Variants in BICD1 observed in about 807,000 individuals in gnomAD.
The protein encoded by BICD1 is protein bicaudal D homolog 1.
A neutral mutation model predicts 92.5 loss-of-function variants in BICD1; 35 were observed. That is an observed-to-expected ratio of 0.38 (90% CI 0.29 to 0.50). BICD1 has a LOEUF of 0.50. Ranked by LOEUF, BICD1 falls within the 20% of genes least tolerant of loss-of-function variation. The probability of loss-of-function intolerance (pLI) is 0.93; values close to 1 mark genes in which losing one functional copy is unlikely to be tolerated. For synonymous variants in BICD1, 429 were observed against 465.1 expected, an observed-to-expected ratio of 0.92 and a Z score of 1.00; for missense variants, 950 against 1,189.8, an observed-to-expected ratio of 0.80 and a Z score of 2.97.
At chr12:32,323,084 A>C (rs1948697461) in intron 4 of BICD1, among the ~76,000 whole-genome samples, 1 of 152,256 alleles carries the variant, frequency 6.6e-6, no homozygotes. Flanking sequence ...AAAAATTCAA[A>C]TGACATGGCT....
chr12:32,173,627 T>G (rs1231632220), intron 1 of BICD1, among the ~76,000 whole-genome samples: 2 of 152,176 alleles, frequency 1.3e-5, no homozygotes, highest in South Asian at 4.1e-4. Context: ...TTGCTTCTTC[T>G]CAGTTCAGTA....
At chr12:32,227,110 G>C (rs79651979) in intron 2 of BICD1, among the ~76,000 whole-genome samples, 9,274 of 152,202 alleles carry the variant, frequency 0.061, 375 homozygotes, top group Middle Eastern at 0.12. Flanking sequence ...TCCATGTAAA[G>C]CTACTAGAGC....
At chr12:32,348,723 A>AAAAAATATATATATATAT (rs1938731695) in intron 8 of BICD1, among the ~76,000 whole-genome samples, 1 of 117,956 alleles carries the variant, frequency 8.5e-6, no homozygotes, top group Non-Finnish European at 1.9e-5. Flanking sequence ...CTCACACAAA[A>AAAAAATATATATATATAT]ATATATATAT....
intron 1 of BICD1, among the ~76,000 whole-genome samples, chr12:32,169,167 A>G (rs932092635): frequency 6.6e-6 from 1 of 152,122 alleles, no homozygotes; most frequent in African/African-American, 2.4e-5. Context: ...CTGATGGGGA[A>G]TTGTACCTGG....
chr12:32,349,520 C>T (rs1938775535), intron 8 of BICD1, among the ~76,000 whole-genome samples: 2 of 151,360 alleles, frequency 1.3e-5, no homozygotes, highest in South Asian at 4.2e-4. Context: ...CTCTGAGACT[C>T]TCTGATGCTA....
At chr12:32,295,935 G>T (rs1166962853) in intron 3 of BICD1, among the ~76,000 whole-genome samples, 2 of 152,106 alleles carry the variant, frequency 1.3e-5, no homozygotes, top group African/African-American at 4.8e-5. Context: ...TTACAAGCAC[G>T]AGCCACAGCG....
intron 2 of BICD1, among the ~76,000 whole-genome samples, chr12:32,222,963 A>G (rs1423962275): frequency 1.3e-5 from 2 of 152,172 alleles, no homozygotes; most frequent in Non-Finnish European, 2.9e-5. Context: ...TGTTTTTATA[A>G]ATTCTAATGC....
intron 4 of BICD1, among the ~76,000 whole-genome samples, chr12:32,314,389 C>T (rs1046050999): frequency 9.9e-5 from 15 of 152,138 alleles, no homozygotes; most frequent in African/African-American, 3.4e-4. Context: ...TTTATCCCCA[C>T]CAGCAGTGTA....
At chr12:32,126,633 T>C (rs1488601247) in intron 1 of BICD1, among the ~76,000 whole-genome samples, 1 of 151,974 alleles carries the variant, frequency 6.6e-6, no homozygotes, top group Non-Finnish European at 1.5e-5. Context: ...GATGCAAGCC[T>C]GTAATCCCAG....
At chr12:32,114,245 C>T (rs573552451) in intron 1 of BICD1, among the ~76,000 whole-genome samples, 1 of 152,090 alleles carries the variant, frequency 6.6e-6, no homozygotes, top group African/African-American at 2.4e-5. Flanking sequence ...TGAGCTCGAG[C>T]GATCTGCCTG....
At chr12:32,349,896 A>T (rs1275955388) in intron 8 of BICD1, among the ~76,000 whole-genome samples, 1 of 152,226 alleles carries the variant, frequency 6.6e-6, no homozygotes, top group African/African-American at 2.4e-5. Context: ...TGATATCTAA[A>T]AAAGTATACC....
At chr12:32,334,726 C>T (rs1159815263) in intron 6 of BICD1, 59 bp downstream of exon 6, 1 of 1,545,938 alleles carries the variant, frequency 6.5e-7, no homozygotes, top group African/African-American at 1.4e-5. Flanking sequence ...CTTTAAAATT[C>T]ACAGCCCTGC....
chr12:32,213,286 C>T (rs1005552846), intron 1 of BICD1, among the ~76,000 whole-genome samples: 3 of 152,168 alleles, frequency 2.0e-5, no homozygotes, highest in Non-Finnish European at 2.9e-5. Context: ...ACAATGTCCC[C>T]AGTTTGGGTT....
rs781082556 is a variant in BICD1 at position 32,305,720 on chromosome 12, T to A, written c.603T>A (p.His201Gln). ...AGGTTGAATACGAAGGCTTAAAGCA[T>A]GAGATTAAGCGATTTGAGGAGGAGA... ...QNQVEYEGLKHEIKRFEEETV... is the reference protein window; with the variant it reads ...QNQVEYEGLKQEIKRFEEETV... The change falls in exon 4 of 10, where the codon CAT becomes CAA. Residue 201 changes from histidine (H) to glutamine (Q), a missense_variant. This residue lies in a region of BICD1 where 14 missense variants were observed against 40.0 expected (regional missense o/e 0.35). Coordinates refer to ENST00000652176, the MANE Select transcript of BICD1 (RefSeq NM_001714.4). 1 of 1,594,582 alleles carries A rather than the reference T, an allele frequency of 6.3e-7. No individual in the cohort carries two copies. Among genetic ancestry groups the A allele is most frequent in the Non-Finnish European group, 8.6e-7 (1 of 1,164,092 alleles).
intron 8 of BICD1, among the ~76,000 whole-genome samples, chr12:32,363,463 A>G (rs553962371): frequency 6.6e-6 from 1 of 152,274 alleles, no homozygotes; most frequent in Admixed American, 6.5e-5. Context: ...AACGTACAGC[A>G]TTTTCTAATT....
chr12:32,127,585 C>T (rs74074416), intron 1 of BICD1, among the ~76,000 whole-genome samples: 4,911 of 152,236 alleles, frequency 0.032, 262 homozygotes, highest in African/African-American at 0.11. Context: ...AATATAAGTT[C>T]TTGGTAGCTG....
intron 1 of BICD1, among the ~76,000 whole-genome samples, chr12:32,127,272 T>C (rs1363415629): frequency 6.6e-6 from 1 of 152,218 alleles, no homozygotes; most frequent in Non-Finnish European, 1.5e-5. Flanking sequence ...GAATATCTTA[T>C]GGTTTGACTT....
At position 32,287,786 on chromosome 12, in the gene BICD1, C is replaced by G. The variant is rs548798626; in HGVS notation, c.427-6208C>G. Among the ~76,000 whole-genome samples the G allele has an allele frequency of 3.9e-5, 6 of 152,326 alleles. No individual in the cohort carries two copies. In the East Asian group the frequency reaches 9.7e-4, roughly 25 times the overall value. On this transcript the variant is annotated intron_variant, in intron 2 of 9. Transcript: ENST00000652176. Reference sequence around the variant, plus strand: ...TCTCTTGACCTTGTGATCCGCCCGCCTCGGCCTCCCAAAGTGCTGGGATTG... The same window carrying G: ...TCTCTTGACCTTGTGATCCGCCCGCGTCGGCCTCCCAAAGTGCTGGGATTG...
intron 1 of BICD1, among the ~76,000 whole-genome samples, chr12:32,143,628 G>C (rs1211566875): frequency 6.6e-6 from 1 of 152,036 alleles, no homozygotes; most frequent in East Asian, 1.9e-4. Context: ...GTGCTGCTCT[G>C]CACCTGTTGT....
Sources: allele counts gnomAD v4.1 joint callset (sites outside exome capture counted in the v4.1 genomes callset), GRCh38; gene constraint gnomAD v4.1.1; regional missense constraint gnomAD v4.1.1; transcripts MANE v1.5; gene names NCBI Gene and HGNC (gene_info 2026-07-23, HGNC 2026-07-21).